The following MYSM1 variants were observed in gnomAD, a reference collection of about 807,000 sequenced individuals.
MYSM1 encodes Myb like, SWIRM and MPN domains 1.
MYSM1 carries 51 observed loss-of-function variants against 116.0 expected under a neutral mutation model. That is an observed-to-expected ratio of 0.44 (90% CI 0.35 to 0.56). The LOEUF (loss-of-function observed/expected upper bound fraction) is 0.56, where lower values mean the gene tolerates loss of function less well. MYSM1 is among the 20% of genes least tolerant of loss of function. The pLI is 0.00. For missense variants in MYSM1, 900 were observed against 974.9 expected (o/e 0.92, Z 1.02); for synonymous variants, 313 against 315.2 (o/e 0.99, Z 0.07).
chr1:58,677,150 A>T lies in MYSM1; in HGVS notation c.1260-94T>A, dbSNP rs948808293. The T allele has an allele frequency of 1.2e-5, 13 of 1,100,932 alleles. No individual in the cohort carries two copies. In the South Asian group the frequency reaches 1.8e-4, roughly 15 times the overall value. 68.2% of individuals were successfully genotyped at this position (1,100,932 alleles called of 1,614,324 possible). On this transcript the variant is annotated intron_variant, in intron 8 of 19. Transcript: ENST00000472487. ...CTTTCAATATTTGAAATATCTCTAA[A>T]TTTTAACCCCTTTCAATGTATAAAT...
In MYSM1 at chr1:58,657,007, C is replaced by T. The variant is rs552278914; in HGVS notation, c.*2990G>A. ...AGGGCCCACAAGAATCATAATGCAG[C>T]TCTGAATACAGGGTCAAACAAACTG... On this transcript the variant is annotated 3_prime_UTR_variant, in exon 20 of 20. Coordinates refer to ENST00000472487, the MANE Select transcript of MYSM1 (RefSeq NM_001085487.3). The T allele has an allele frequency of 3.4e-4, 51 of 152,142 alleles. No individual in the cohort carries two copies. The highest frequency in any genetic ancestry group is 1.2e-3 in the African/African-American group (51 of 41,506). 9.4% of individuals were successfully genotyped at this position (152,142 alleles called of 1,614,324 possible).
intron 6 of MYSM1, among the ~76,000 whole-genome samples, chr1:58,687,937 C>CGT (rs146040979): frequency 2.8e-4 from 43 of 151,820 alleles, no homozygotes; most frequent in South Asian, 1.9e-3. Flanking sequence ...CCTCCTTCTG[C>CGT]GTGTGTGTGT....
intron 8 of MYSM1, 99 bp downstream of exon 8, chr1:58,681,686 T>C: frequency 8.2e-7 from 1 of 1,218,782 alleles, no homozygotes. Context: ...TAGTGATCTC[T>C]AGATTTACTA....
rs1420877076 is a variant in MYSM1 at position 58,682,356 on chromosome 1, C to G, written c.688G>C (p.Asp230His). The change falls in exon 8 of 20, where the codon GAC (aspartate) becomes CAC (histidine). Residue 230 changes from aspartate to histidine, a missense_variant. Physicochemically the swap from Asp to His is moderately conservative, Grantham distance 81 (BLOSUM62 -1). Coordinates refer to ENST00000472487, the MANE Select transcript of MYSM1 (RefSeq NM_001085487.3). ...TGGGGTGTTTGAGAAGACAACTCGT[C>G]CACCTCATCTGTGATGTCTACTTCT... ...DEEVDITDEVDELSSQTPQKN... is the reference protein window; with the variant it reads ...DEEVDITDEVHELSSQTPQKN... 10 of 1,613,974 alleles carry G rather than the reference C, an allele frequency of 6.2e-6. No individual in the cohort carries two copies. Among genetic ancestry groups the G allele is most frequent in the Admixed American group, 1.7e-5 (1 of 59,990 alleles).
intron 6 of MYSM1, among the ~76,000 whole-genome samples, chr1:58,687,865 T>C (rs1162431536): frequency 6.6e-6 from 1 of 152,154 alleles, no homozygotes; most frequent in Non-Finnish European, 1.5e-5. Context: ...TGGCATTAGG[T>C]TGGTCTCCCA....
chr1:58,674,722 G>C (rs111891435), intron 10 of MYSM1, among the ~76,000 whole-genome samples: 2 of 151,674 alleles, frequency 1.3e-5, no homozygotes. Flanking sequence ...TCAGGAGATC[G>C]AGACCATCCT....
chr1:58,671,309 A>C (rs1322948482), intron 12 of MYSM1, among the ~76,000 whole-genome samples: 1 of 152,202 alleles, frequency 6.6e-6, no homozygotes, highest in Non-Finnish European at 1.5e-5. Context: ...AATAAATGAG[A>C]ACCTAAGGAT....
chr1:58,666,897 TAAATAA>T (rs1222743785), intron 16 of MYSM1, 135 bp downstream of exon 16: 4 of 386,436 alleles, frequency 1.0e-5, no homozygotes, highest in African/African-American at 8.4e-5. Flanking sequence ...ATAATAAAAA[TAAATAA>T]AAATAAACAA....
intron 3 of MYSM1, among the ~76,000 whole-genome samples, chr1:58,691,216 C>T (rs1025469271): frequency 6.6e-6 from 1 of 151,596 alleles, no homozygotes; most frequent in African/African-American, 2.4e-5. Flanking sequence ...GAAGGCGGAG[C>T]TTGCAGTGAG....
At chr1:58,694,349 G>A (rs1009004321) in intron 2 of MYSM1, among the ~76,000 whole-genome samples, 8 of 152,180 alleles carry the variant, frequency 5.3e-5, no homozygotes, top group South Asian at 2.1e-4. Context: ...ATGGCCGGGC[G>A]CGGTGGCTCA....
chr1:58,666,210 T>A (rs1644467136), intron 16 of MYSM1, among the ~76,000 whole-genome samples: 1 of 152,224 alleles, frequency 6.6e-6, no homozygotes, highest in African/African-American at 2.4e-5. Context: ...GTATTTGCCA[T>A]GAATATATTT....
chr1:58,675,457 TGA>T lies in MYSM1; in HGVS notation c.1494+18_1494+19del, dbSNP rs767009634. 4.5e-6 allele frequency: 7 copies of T among 1,565,424 alleles called. No homozygotes were observed. The highest frequency in any genetic ancestry group is 4.4e-6 in the Non-Finnish European group (5 of 1,139,850). ...GTAAGCAGCAATGTGGAGAGATCACTGAGAGAGATGACTGCTTACCATAGACT... is the reference window on the plus strand; with the variant it reads ...GTAAGCAGCAATGTGGAGAGATCACTGAGAGATGACTGCTTACCATAGACT... On this transcript the variant is annotated intron_variant, in intron 10 of 19. Transcript: ENST00000472487.
chr1:58,694,130 A>C (rs1644939662), intron 2 of MYSM1, among the ~76,000 whole-genome samples: 1 of 152,148 alleles, frequency 6.6e-6, no homozygotes, highest in South Asian at 2.1e-4. Flanking sequence ...TTTAATCTAA[A>C]CTAGGTTTCC....
intron 7 of MYSM1, among the ~76,000 whole-genome samples, chr1:58,684,563 T>TC (rs1174518056): frequency 3.0e-5 from 3 of 100,490 alleles, no homozygotes; most frequent in Admixed American, 1.2e-4. Flanking sequence ...AGACTCTGTC[T>TC]CAAAAAAAAA....
chr1:58,671,715 T>G (rs1469569436), intron 12 of MYSM1, among the ~76,000 whole-genome samples, 155 bp downstream of exon 12: 1 of 151,526 alleles, frequency 6.6e-6, no homozygotes, highest in Admixed American at 6.6e-5. Context: ...GTCTTCCAAA[T>G]TCATAATCAG....
At chr1:58,684,857 A>G (rs918312712) in intron 7 of MYSM1, among the ~76,000 whole-genome samples, 1 of 152,180 alleles carries the variant, frequency 6.6e-6, no homozygotes, top group Non-Finnish European at 1.5e-5. Context: ...AAACAATAAG[A>G]TAAGATCTCT....
chr1:58,686,238 G>A (rs1039285805), intron 6 of MYSM1, among the ~76,000 whole-genome samples: 2 of 152,074 alleles, frequency 1.3e-5, no homozygotes, highest in African/African-American at 2.4e-5. Context: ...GACAACTTGA[G>A]GGAGCTCCTG....
In MYSM1 at chr1:58,670,261, A is replaced by G. The variant is rs1264175509; in HGVS notation, c.1662-1223T>C. On this transcript the variant is annotated intron_variant, in intron 12 of 19. Transcript: ENST00000472487. Reference sequence around the variant, plus strand: ...AAGAAACTGAAGGCCAAGATAGATGAGAAAATAGCACAGAAAGAACATCCT... The same window carrying G: ...AAGAAACTGAAGGCCAAGATAGATGGGAAAATAGCACAGAAAGAACATCCT... 2.6e-5 allele frequency among the ~76,000 whole-genome samples: 4 copies of G among 152,356 alleles called. No individual in the cohort carries two copies. In the East Asian group the frequency reaches 7.7e-4, roughly 29 times the overall value.
Position 58,655,163 on chromosome 1 carries a change from C to G in MYSM1, c.*4834G>C, listed in dbSNP as rs1179916824. The G allele has an allele frequency of 6.6e-6, 1 of 152,120 alleles. No individual in the cohort carries two copies. The highest frequency in any genetic ancestry group is 2.4e-5 in the African/African-American group (1 of 41,436). The allele number at this position is 152,120 out of a possible 1,614,324, so 9.4% of individuals were successfully genotyped here. On this transcript the variant is annotated 3_prime_UTR_variant, in exon 20 of 20. Coordinates refer to ENST00000472487, the MANE Select transcript of MYSM1 (RefSeq NM_001085487.3). Reference sequence around the variant, plus strand: ...CAAATCTAAAAGATATATGACTAATCTATTTAACTCACGCTAGAATCTAAA... The same window carrying G: ...CAAATCTAAAAGATATATGACTAATGTATTTAACTCACGCTAGAATCTAAA...
Sources: allele counts gnomAD v4.1 joint callset (sites outside exome capture counted in the v4.1 genomes callset), GRCh38; gene constraint gnomAD v4.1.1; transcripts MANE v1.5; gene names NCBI Gene and HGNC (gene_info 2026-07-23, HGNC 2026-07-21).